Variants in TASP1 observed in about 807,000 individuals in gnomAD.
TASP1 encodes the protein threonine aspartase 1.
In TASP1, 16 loss-of-function variants were observed where a neutral mutation model predicts 56.6. The observed-to-expected ratio is 0.28, with a 90% confidence interval of 0.19 to 0.43. The LOEUF (loss-of-function observed/expected upper bound fraction) is 0.43. TASP1 is among the 20% of genes least tolerant of loss of function. The probability of loss-of-function intolerance (pLI) is 1.00; values close to 1 mark genes in which losing one functional copy is unlikely to be tolerated. For missense variants in TASP1, 393 were observed against 511.6 expected, an observed-to-expected ratio of 0.77 and a Z score of 2.24; for synonymous variants, 179 against 184.2, an observed-to-expected ratio of 0.97 and a Z score of 0.23.
intron 10 of TASP1, among the ~76,000 whole-genome samples, chr20:13,490,027 C>G (rs1342753918): frequency 6.6e-6 from 1 of 152,166 alleles, no homozygotes; most frequent in South Asian, 2.1e-4. Flanking sequence ...AAGAAGACGA[C>G]TTCTAGCTAC....
the TASP1 span, among the ~76,000 whole-genome samples, chr20:13,112,652 C>T: frequency 6.6e-6 from 1 of 152,184 alleles, no homozygotes; most frequent in Non-Finnish European, 1.5e-5. Context: ...TTTTCCTTCA[C>T]AAGAAAGTTC....
At chr20:13,638,375 T>C (rs2049388771) in intron 1 of TASP1, among the ~76,000 whole-genome samples, 1 of 151,226 alleles carries the variant, frequency 6.6e-6, no homozygotes, top group African/African-American at 2.4e-5. Context: ...CCCCCTCCTC[T>C]CCAGCTGCTC....
chr20:13,485,275 T>C (rs910040838), intron 10 of TASP1, among the ~76,000 whole-genome samples: 1 of 152,188 alleles, frequency 6.6e-6, no homozygotes, highest in African/African-American at 2.4e-5. Context: ...ATATGTCATA[T>C]TATAAATAGT....
chr20:13,274,671 C>G, the TASP1 span, among the ~76,000 whole-genome samples: 2 of 126,174 alleles, frequency 1.6e-5, no homozygotes, highest in African/African-American at 2.7e-5. Flanking sequence ...CCACTCCCCG[C>G]CCCCCCCGCG....
chr20:13,359,121 G>T, the TASP1 span, among the ~76,000 whole-genome samples: 3 of 144,150 alleles, frequency 2.1e-5, 1 homozygote, highest in African/African-American at 8.3e-5. Flanking sequence ...TTATTTCCAT[G>T]CCCCAACCTC....
chr20:13,239,657 A>C, the TASP1 span: 1 of 152,172 alleles, frequency 6.6e-6, no homozygotes, highest in African/African-American at 2.4e-5. Flanking sequence ...TCTGTGCTCC[A>C]ACCCACCTGC....
the TASP1 span, among the ~76,000 whole-genome samples, chr20:13,370,856 T>A: frequency 6.6e-6 from 1 of 152,160 alleles, no homozygotes; most frequent in Admixed American, 6.5e-5. Context: ...TTGTTATAGG[T>A]CTATTTAGAT....
At chr20:13,529,969 C>CTAT (rs1460883468) in intron 9 of TASP1, among the ~76,000 whole-genome samples, 1 of 152,120 alleles carries the variant, frequency 6.6e-6, no homozygotes, top group Non-Finnish European at 1.5e-5. Context: ...CAAATATGTG[C>CTAT]TGTATTATAA....
the TASP1 span, among the ~76,000 whole-genome samples, chr20:13,322,496 C>G: frequency 5.3e-4 from 80 of 152,294 alleles, no homozygotes; most frequent in East Asian, 0.015. Flanking sequence ...TGCCCTGGAC[C>G]AGACGAGGTC....
At chr20:13,263,399 A>G in the TASP1 span, among the ~76,000 whole-genome samples, 1 of 152,034 alleles carries the variant, frequency 6.6e-6, no homozygotes, top group African/African-American at 2.4e-5. Flanking sequence ...AGCACTAAGA[A>G]CAAGTGTGCC....
the TASP1 span, chr20:13,239,689 T>C: frequency 6.6e-6 from 1 of 152,216 alleles, no homozygotes; most frequent in Non-Finnish European, 1.5e-5. Flanking sequence ...AGGCACTCTG[T>C]TTAGAAGGCA....
At chr20:13,182,845 T>C in the TASP1 span, among the ~76,000 whole-genome samples, 1 of 152,218 alleles carries the variant, frequency 6.6e-6, no homozygotes, top group Non-Finnish European at 1.5e-5. Context: ...ATATCAGTGA[T>C]TTACATGACG....
chr20:13,410,583 C>T (rs1169562552), intron 13 of TASP1, among the ~76,000 whole-genome samples: 2 of 152,070 alleles, frequency 1.3e-5, no homozygotes, highest in African/African-American at 2.4e-5. Context: ...TGATTACTGA[C>T]GTTGAGCATT....
At chr20:13,260,605 T>G in the TASP1 span, among the ~76,000 whole-genome samples, 1 of 151,888 alleles carries the variant, frequency 6.6e-6, no homozygotes, top group Non-Finnish European at 1.5e-5. Flanking sequence ...AAGTGGAGTT[T>G]TTTTTTTTTT....
chr20:13,576,920 T>C (rs1331889994), intron 6 of TASP1, among the ~76,000 whole-genome samples: 3 of 152,210 alleles, frequency 2.0e-5, no homozygotes, highest in East Asian at 1.9e-4. Flanking sequence ...CCTTTGACAA[T>C]TGCCTCATCT....
intron 8 of TASP1, among the ~76,000 whole-genome samples, chr20:13,547,258 G>A (rs963635073): frequency 2.0e-5 from 3 of 152,140 alleles, no homozygotes; most frequent in Non-Finnish European, 4.4e-5. Flanking sequence ...CACTTATTAA[G>A]TACCTGTCAT....
intron 11 of TASP1, among the ~76,000 whole-genome samples, chr20:13,480,522 T>C (rs570996255): frequency 1.4e-4 from 21 of 152,268 alleles, no homozygotes; most frequent in African/African-American, 4.8e-4. Context: ...GAGTCTGGAA[T>C]TTCTAAGATG....
the TASP1 span, among the ~76,000 whole-genome samples, chr20:13,283,662 C>T: frequency 0.032 from 4,779 of 150,954 alleles, 224 homozygotes; most frequent in African/African-American, 0.1. Context: ...TGTGTAGATA[C>T]TTGGGGTATC....
Position 13,524,150 on chromosome 20 carries a change from C to CT in TASP1, c.874+4282dup, listed in dbSNP as rs879880860. On this transcript the variant is annotated intron_variant, in intron 10 of 13. Transcript: ENST00000337743. Reference sequence around the variant, plus strand: ...CCTAGGCGACAGAGTGAGACTTTGTCTTTTTTTTTTTTAAAGGAAAGAAAA... The same window carrying CT: ...CCTAGGCGACAGAGTGAGACTTTGTCTTTTTTTTTTTTTAAAGGAAAGAAAA... 4.0e-3 allele frequency among the ~76,000 whole-genome samples: 579 copies of CT among 144,680 alleles called. 2 individuals are homozygous for CT. Among genetic ancestry groups the CT allele is most frequent in the East Asian group, 0.016 (78 of 4,988 alleles). 94.9% of individuals were successfully genotyped at this position (144,680 alleles called of 152,430 possible).
Sources: gnomAD v4.1 joint callset for allele counts (sites outside exome capture counted in the v4.1 genomes callset) on GRCh38, gnomAD v4.1.1 for gene constraint, MANE v1.5 for transcripts, NCBI Gene and HGNC (gene_info 2026-07-23, HGNC 2026-07-21) for gene names.